RFX2: variants seen among roughly 807,000 people sequenced by gnomAD.
RFX2 encodes the protein regulatory factor X2, also known as DNA-binding protein RFX2.
Under a neutral mutation model 87.8 loss-of-function variants are expected in RFX2, and 20 were observed. The observed-to-expected ratio is 0.23, with a 90% CI of 0.16 to 0.33. RFX2 has a LOEUF of 0.33. RFX2 is among the 10% of genes least tolerant of loss of function. RFX2 has a pLI of 1.00. For missense variants in RFX2, 767 were observed against 1,012.3 expected, an observed-to-expected ratio of 0.76 and a Z score of 3.29; for synonymous variants, 397 against 431.3, an observed-to-expected ratio of 0.92 and a Z score of 0.98.
In RFX2 at chr19:6,061,019, C is replaced by T. The variant is rs1037144192; in HGVS notation, c.-8-13515G>A. Among the ~76,000 whole-genome samples, 2 of 152,174 alleles carry T rather than the reference C, an allele frequency of 1.3e-5. No individual in the cohort carries two copies. The highest frequency in any genetic ancestry group is 2.4e-5 in the African/African-American group (1 of 41,444). ...CCCCCCGCCAAAATTGCTCCTCTTG[C>T]GTTTCCTAAGCCAGGGGGCTGTTCA... On this transcript the variant is annotated intron_variant, in intron 1 of 17. Transcript: ENST00000303657. This position sits in a 1 kb window ranked among gnomAD's most constrained non-coding sequence, Gnocchi z 5.2.
Position 6,007,244 on chromosome 19 carries a change from C to T in RFX2, c.1248-78G>A, listed in dbSNP as rs1294266363. 1.9e-5 allele frequency: 28 copies of T among 1,472,426 alleles called. No individual in the cohort carries two copies. Among genetic ancestry groups the T allele is most frequent in the African/African-American group, 2.8e-5 (2 of 71,978 alleles). The allele number at this position is 1,472,426 out of a possible 1,614,324, so 91.2% of individuals were successfully genotyped here. On this transcript the variant is annotated intron_variant, in intron 11 of 17. Transcript: ENST00000303657. The surrounding 1 kb of genome is among the most constrained non-coding windows in gnomAD (Gnocchi z 8.2). ...TCAGCCACGGGAGCGAGCAGAGAGC[C>T]GGGCTGCGGGACTTTTGCCCAACAG...
At chr19:6,094,299 G>C (rs561113926) in intron 1 of RFX2, among the ~76,000 whole-genome samples, 1 of 151,986 alleles carries the variant, frequency 6.6e-6, no homozygotes, top group Non-Finnish European at 1.5e-5. Context: ...ATGTAAAAGA[G>C]AAGCAGTCAG....
Position 6,045,658 on chromosome 19 carries a change from G to GTTT in RFX2, c.91-1379_91-1377dup, listed in dbSNP as rs72153340. Among the ~76,000 whole-genome samples, 1 of 150,560 alleles carries GTTT rather than the reference G, an allele frequency of 6.6e-6. No homozygotes were observed. Among genetic ancestry groups the GTTT allele is most frequent in the African/African-American group, 2.5e-5 (1 of 40,036 alleles). On this transcript the variant is annotated intron_variant, in intron 2 of 17. Coordinates refer to ENST00000303657, the MANE Select transcript of RFX2 (RefSeq NM_000635.4). The surrounding 1 kb of genome is among the most constrained non-coding windows in gnomAD (Gnocchi z 5.2). ...TGCCTTTTTGTTTTTGCGGAATTGT[G>GTTT]TTTTTTTGTTTTTGTTTTTTTGTGT... is the stretch of plus-strand genomic sequence containing the variant.
Position 6,101,182 on chromosome 19 carries a change from AAT to A in RFX2, c.-9+9209_-9+9210del, listed in dbSNP as rs2088121368. 6.6e-6 allele frequency among the ~76,000 whole-genome samples: 1 copy of A among 152,238 alleles called. No homozygotes were observed. The highest frequency in any genetic ancestry group is 1.5e-5 in the Non-Finnish European group (1 of 68,046). Reference sequence around the variant, plus strand: ...CAGGCCCACAAATATTTTCTAAAGAAATGGATGGAGACCCCAGAGAGCTCCTC... The same window carrying A: ...CAGGCCCACAAATATTTTCTAAAGAAGGATGGAGACCCCAGAGAGCTCCTC... On this transcript the variant is annotated intron_variant, in intron 1 of 17. Coordinates refer to ENST00000303657, the MANE Select transcript of RFX2 (RefSeq NM_000635.4). The surrounding 1 kb of genome is among the most constrained non-coding windows in gnomAD (Gnocchi z 4.9).
At chr19:6,008,265 T>G in intron 9 of RFX2, 41 bp from the exon 10 acceptor site, 42 of 1,358,040 alleles carry the variant, frequency 3.1e-5, no homozygotes, top group Non-Finnish European at 3.5e-5. Context: ...GGCGAGGCTC[T>G]TAGGACACCG....
intron 1 of RFX2, among the ~76,000 whole-genome samples, chr19:6,079,405 T>C (rs1326770345): frequency 1.3e-5 from 2 of 152,236 alleles, no homozygotes; most frequent in Admixed American, 1.3e-4. Context: ...GAGGCATTTA[T>C]GCCAAGTGAA....
At position 6,047,814 on chromosome 19, in the gene RFX2, G is replaced by T. The variant is rs917135239; in HGVS notation, c.-8-310C>A. Among the ~76,000 whole-genome samples, 1 of 152,210 alleles carries T rather than the reference G, an allele frequency of 6.6e-6. No individual in the cohort carries two copies. The highest frequency in any genetic ancestry group is 1.5e-5 in the Non-Finnish European group (1 of 68,038). ...TGGCTCTGTGCCCAAGTCTGAGCAGGTTGAACTATTTTGAAGGGCTCAATT... is the reference window on the plus strand; with the variant it reads ...TGGCTCTGTGCCCAAGTCTGAGCAGTTTGAACTATTTTGAAGGGCTCAATT... On this transcript the variant is annotated intron_variant, in intron 1 of 17. Coordinates refer to ENST00000303657, the MANE Select transcript of RFX2 (RefSeq NM_000635.4). This position sits in a 1 kb window ranked among gnomAD's most constrained non-coding sequence, Gnocchi z 4.2.
In RFX2 at chr19:6,101,881, C is replaced by T. The variant is rs2088132702; in HGVS notation, c.-9+8512G>A. On this transcript the variant is annotated intron_variant, in intron 1 of 17. Coordinates refer to ENST00000303657, the MANE Select transcript of RFX2 (RefSeq NM_000635.4). The surrounding 1 kb of genome is among the most constrained non-coding windows in gnomAD (Gnocchi z 4.9). Reference sequence around the variant, plus strand: ...TTCACAATAGCTGTAAGGTGGAAACCACCCAAGTGTTCATCCATGGATGAA... The same window carrying T: ...TTCACAATAGCTGTAAGGTGGAAACTACCCAAGTGTTCATCCATGGATGAA... Among the ~76,000 whole-genome samples, 1 of 152,204 alleles carries T rather than the reference C, an allele frequency of 6.6e-6. No homozygotes were observed. The highest frequency in any genetic ancestry group is 2.1e-4 in the South Asian group (1 of 4,836).
In RFX2 at chr19:6,021,567, A is replaced by C. The variant is rs1309752605; in HGVS notation, c.597+4596T>G. Among the ~76,000 whole-genome samples the C allele has an allele frequency of 2.0e-5, 3 of 152,184 alleles. No individual in the cohort carries two copies. The highest frequency in any genetic ancestry group is 4.4e-5 in the Non-Finnish European group (3 of 68,028). ...GAAAGTGCCCACTGAGTGAAGACTC[A>C]GAGGAGGTGAGGGGGAGCCTGGGGA... On this transcript the variant is annotated intron_variant, in intron 6 of 17. Transcript: ENST00000303657. This position sits in a 1 kb window ranked among gnomAD's most constrained non-coding sequence, Gnocchi z 5.7.
At chr19:6,079,298 T>G (rs2087743095) in intron 1 of RFX2, among the ~76,000 whole-genome samples, 1 of 152,206 alleles carries the variant, frequency 6.6e-6, no homozygotes, top group African/African-American at 2.4e-5. Context: ...AGAGAAAATA[T>G]ACCAGACAAA....
At chr19:6,035,507 T>G (rs1399686246) in intron 5 of RFX2, among the ~76,000 whole-genome samples, 4 of 152,174 alleles carry the variant, frequency 2.6e-5, no homozygotes, top group Non-Finnish European at 5.9e-5. Flanking sequence ...AAATAAATAC[T>G]CGAGAAAATT....
intron 5 of RFX2, among the ~76,000 whole-genome samples, chr19:6,037,098 C>G (rs375461077): frequency 2.0e-4 from 30 of 152,086 alleles, no homozygotes; most frequent in African/African-American, 6.0e-4. Context: ...TCCTGGTTAA[C>G]ATGGTGAAAC....
chr19:6,084,439 G>T (rs894076807), intron 1 of RFX2, among the ~76,000 whole-genome samples: 1 of 152,028 alleles, frequency 6.6e-6, no homozygotes, highest in Non-Finnish European at 1.5e-5. Context: ...TCACACTGTT[G>T]TGCAACCATC....
rs867538694 is a variant in RFX2, at chr19:6,023,778, A to G, written c.597+2385T>C. On this transcript the variant is annotated intron_variant, in intron 6 of 17. Coordinates refer to ENST00000303657, the MANE Select transcript of RFX2 (RefSeq NM_000635.4). The surrounding 1 kb of genome is among the most constrained non-coding windows in gnomAD (Gnocchi z 4.9). ...GCGGCTCATGCATTTTCCCATAGAC[A>G]TTTTTTCTTTTTTTTTTTTGAGATG... is the stretch of plus-strand genomic sequence containing the variant. Among the ~76,000 whole-genome samples the G allele has an allele frequency of 6.7e-6, 1 of 149,592 alleles. No homozygotes were observed. Among genetic ancestry groups the G allele is most frequent in the African/African-American group, 2.5e-5 (1 of 40,646 alleles).
chr19:6,107,777 C>T (rs1214809034), intron 1 of RFX2, among the ~76,000 whole-genome samples: 1 of 151,960 alleles, frequency 6.6e-6, no homozygotes, highest in Non-Finnish European at 1.5e-5. Context: ...TAAACAATTC[C>T]CCAGCACCTG....
chr19:6,088,781 G>T (rs1180028122), intron 1 of RFX2, among the ~76,000 whole-genome samples: 1 of 152,158 alleles, frequency 6.6e-6, no homozygotes, highest in African/African-American at 2.4e-5. Context: ...CGTTAGACCA[G>T]GGGGTGGCAA....
rs934999062 is a variant in RFX2, at chr19:6,045,641, T to G, written c.91-1359A>C. Among the ~76,000 whole-genome samples the G allele has an allele frequency of 1.3e-4, 20 of 152,160 alleles. No individual in the cohort carries two copies. The highest frequency in any genetic ancestry group is 4.6e-4 in the African/African-American group (19 of 41,412). ...TAAACCGCTTCACTGTCTGCCTTTT[T>G]GTTTTTGCGGAATTGTGTTTTTTTG... is the stretch of plus-strand genomic sequence containing the variant. On this transcript the variant is annotated intron_variant, in intron 2 of 17. Coordinates refer to ENST00000303657, the MANE Select transcript of RFX2 (RefSeq NM_000635.4). The surrounding 1 kb of genome is among the most constrained non-coding windows in gnomAD (Gnocchi z 5.2).
intron 1 of RFX2, among the ~76,000 whole-genome samples, chr19:6,105,363 G>T (rs889630088): frequency 6.6e-6 from 1 of 152,072 alleles, no homozygotes; most frequent in Non-Finnish European, 1.5e-5. Context: ...CCAAATACCT[G>T]GGCAAAGAGC....
chr19:6,015,406 G>T (rs1383713646), intron 7 of RFX2, among the ~76,000 whole-genome samples: 1 of 151,830 alleles, frequency 6.6e-6, no homozygotes, highest in Non-Finnish European at 1.5e-5. Flanking sequence ...TCCAGCCTGG[G>T]TGACAGAGCA....
Sources: allele counts gnomAD v4.1 joint callset (sites outside exome capture counted in the v4.1 genomes callset), GRCh38; gene constraint gnomAD v4.1.1; non-coding constraint Gnocchi (gnomAD v3.1); transcripts MANE v1.5; gene names NCBI Gene and HGNC (gene_info 2026-07-23, HGNC 2026-07-21).